Variants in RASA3 observed in about 807,000 individuals in gnomAD.
RASA3 encodes RAS p21 protein activator 3, also known as ras GTPase-activating protein 3.
Under a neutral mutation model 110.0 loss-of-function variants are expected in RASA3, and 73 were observed. The ratio of observed to expected loss-of-function variants is 0.66; its 90% CI spans 0.55 to 0.81. The LOEUF (loss-of-function observed/expected upper bound fraction) is 0.81. Ranked by LOEUF, RASA3 falls within the 30% of genes least tolerant of loss-of-function variation. The probability of loss-of-function intolerance (pLI) is 0.00; values close to 1 mark genes in which losing one functional copy is unlikely to be tolerated. For synonymous variants in RASA3, 500 were observed against 451.4 expected (o/e 1.11, Z -1.37); for missense variants, 976 against 1,113.2 (o/e 0.88, Z 1.75).
intron 5 of RASA3, among the ~76,000 whole-genome samples, chr13:114,028,734 C>T (rs1391171967): frequency 1.9e-4 from 15 of 78,356 alleles, no homozygotes; most frequent in South Asian, 6.5e-4. Flanking sequence ...ACCTCTAAAA[C>T]GGCATCATCC....
At chr13:114,124,060 C>A (rs1227253401) in intron 1 of RASA3, among the ~76,000 whole-genome samples, 1 of 152,184 alleles carries the variant, frequency 6.6e-6, no homozygotes, top group African/African-American at 2.4e-5. Context: ...CCCCCCGGCC[C>A]AGCCCCCAGA....
At chr13:113,993,597 C>T (rs1257470638) in intron 21 of RASA3, among the ~76,000 whole-genome samples, 1 of 151,392 alleles carries the variant, frequency 6.6e-6, no homozygotes, top group Non-Finnish European at 1.5e-5. Flanking sequence ...CATCTGAAGT[C>T]AGGAGTTCAA....
At chr13:114,071,104 A>G (rs2079565578) in intron 2 of RASA3, among the ~76,000 whole-genome samples, 1 of 152,126 alleles carries the variant, frequency 6.6e-6, no homozygotes, top group South Asian at 2.1e-4. Flanking sequence ...CTTTGCTATC[A>G]GTCTTTTGTT....
At chr13:114,002,015 C>T (rs1028809592) in intron 18 of RASA3, among the ~76,000 whole-genome samples, 7 of 152,270 alleles carry the variant, frequency 4.6e-5, no homozygotes, top group Non-Finnish European at 1.5e-5. Context: ...GGTCCTCGAA[C>T]ACCCTCCCGG....
At chr13:114,123,188 C>G (rs1039175588) in intron 1 of RASA3, among the ~76,000 whole-genome samples, 4 of 152,206 alleles carry the variant, frequency 2.6e-5, no homozygotes, top group African/African-American at 9.6e-5. Context: ...GAGGTGGCCG[C>G]CCCAGCAGGG....
At chr13:114,021,979 C>T (rs531874568) in intron 8 of RASA3, among the ~76,000 whole-genome samples, 3 of 152,174 alleles carry the variant, frequency 2.0e-5, no homozygotes, top group Non-Finnish European at 4.4e-5. Context: ...GCTGCTGCCA[C>T]TCTCAGCTCC....
chr13:114,021,415 G>C lies in RASA3; in HGVS notation c.774C>G (p.Ser258=), dbSNP rs374228074. ...CAACATCATCTTACCACGCCTCGTA[G>C]GAGCTGGACTGCCGCAGGACTTTCA... ...IPLKVLRQSS[S]YEAWYFLQPR... is the part of the protein sequence containing the mutation. Residue 258 remains serine (S), a synonymous_variant, in exon 9 of 24, where the codon TCC becomes TCG. Transcript: ENST00000334062. 21 of 1,613,932 alleles carry C rather than the reference G, an allele frequency of 1.3e-5. No homozygotes were observed. Among genetic ancestry groups the C allele is most frequent in the Non-Finnish European group, 1.6e-5 (19 of 1,179,934 alleles).
intron 2 of RASA3, among the ~76,000 whole-genome samples, chr13:114,066,909 C>A: frequency 6.8e-6 from 1 of 146,336 alleles, no homozygotes; most frequent in Non-Finnish European, 1.5e-5. Flanking sequence ...TGGGCCCCCA[C>A]CTGGGCTGAG....
At chr13:114,037,200 T>C (rs185656827) in intron 4 of RASA3, among the ~76,000 whole-genome samples, 4 of 152,282 alleles carry the variant, frequency 2.6e-5, no homozygotes, top group Admixed American at 2.0e-4. Flanking sequence ...TTTGTGGAGA[T>C]GCAACGTCTG....
At chr13:114,105,499 G>A (rs542015435) in intron 1 of RASA3, among the ~76,000 whole-genome samples, 1 of 152,306 alleles carries the variant, frequency 6.6e-6, no homozygotes, top group Admixed American at 6.5e-5. Flanking sequence ...AGCCAAGGAG[G>A]AGCAGCACTG....
chr13:113,980,012 C>T (rs1254173497), intron 23 of RASA3, among the ~76,000 whole-genome samples: 1 of 144,594 alleles, frequency 6.9e-6, no homozygotes, highest in African/African-American at 2.6e-5. Context: ...CGTGTGTACA[C>T]CTCCCACGTG....
chr13:114,031,519 C>T (rs927480082), intron 4 of RASA3, among the ~76,000 whole-genome samples: 2 of 134,746 alleles, frequency 1.5e-5, no homozygotes, highest in Non-Finnish European at 3.1e-5. Context: ...TGTCTGTGCG[C>T]GTGGCTGTGT....
At chr13:114,031,945 C>T (rs1246253049) in intron 4 of RASA3, among the ~76,000 whole-genome samples, 1 of 152,126 alleles carries the variant, frequency 6.6e-6, no homozygotes, top group Non-Finnish European at 1.5e-5. Context: ...GCAGGGACCT[C>T]GCTTAGGCCC....
intron 1 of RASA3, among the ~76,000 whole-genome samples, chr13:114,100,770 A>G (rs569293692): frequency 2.8e-4 from 43 of 152,242 alleles, no homozygotes; most frequent in African/African-American, 9.9e-4. Context: ...GTACCCTTCG[A>G]GAAACACTCC....
chr13:114,043,467 C>T (rs905771627), intron 3 of RASA3, among the ~76,000 whole-genome samples: 1 of 152,126 alleles, frequency 6.6e-6, no homozygotes, highest in African/African-American at 2.4e-5. Context: ...CCGGGACCCC[C>T]GCTCACAGCC....
chr13:114,017,147 TG>T, intron 12 of RASA3, 89 bp downstream of exon 12: 1 of 1,171,620 alleles, frequency 8.5e-7, no homozygotes, highest in Non-Finnish European at 1.3e-6. Flanking sequence ...GCCCAGCTCG[TG>T]GTCTGGCTGG....
At position 113,978,941 on chromosome 13, in the gene RASA3, C is replaced by T. The variant is rs555618217; in HGVS notation, c.*406G>A. ...CCACAGAGCCCAGCGTCACACGCAC[C>T]GTGCACGCAAGACAGACGTGCACGA... On this transcript the variant is annotated 3_prime_UTR_variant, in exon 24 of 24. Transcript: ENST00000334062. The T allele has an allele frequency of 4.2e-5, 9 of 213,784 alleles. No individual in the cohort carries two copies. Among genetic ancestry groups the T allele is most frequent in the South Asian group, 1.7e-4 (2 of 11,884 alleles). The allele number at this position is 213,784 out of a possible 1,614,324, so 13.2% of individuals were successfully genotyped here. A position where few individuals can be genotyped will look rare whatever the true frequency, so the allele number is the denominator to read the frequency against.
At chr13:114,034,144 C>T (rs936948230) in intron 4 of RASA3, among the ~76,000 whole-genome samples, 41 of 152,156 alleles carry the variant, frequency 2.7e-4, no homozygotes, top group Middle Eastern at 3.4e-3. Flanking sequence ...GAACACCAGC[C>T]GGGCACTGGG....
In RASA3 at chr13:114,112,150, TGGA is replaced by T. The variant is rs1249253652; in HGVS notation, c.55+20282_55+20284del. Among the ~76,000 whole-genome samples, 1 of 141,616 alleles carries T rather than the reference TGGA, an allele frequency of 7.1e-6. No homozygotes were observed. The highest frequency in any genetic ancestry group is 1.6e-5 in the Non-Finnish European group (1 of 62,986). The allele number at this position is 141,616 out of a possible 152,430, so 92.9% of individuals were successfully genotyped here. ...CACACCAGGCTAATTTTTAATCAGA[TGGA>T]TTTAGTGATAGCAAATAAAGAGAAG... On this transcript the variant is annotated intron_variant, in intron 1 of 23. Transcript: ENST00000334062. The surrounding 1 kb of genome is among the most constrained non-coding windows in gnomAD (Gnocchi z 4.8).
Sources: gnomAD v4.1 joint callset for allele counts (sites outside exome capture counted in the v4.1 genomes callset) on GRCh38, gnomAD v4.1.1 for gene constraint, Gnocchi (gnomAD v3.1) non-coding constraint, MANE v1.5 for transcripts, NCBI Gene and HGNC (gene_info 2026-07-23, HGNC 2026-07-21) for gene names.